Variants in UNC13B observed in about 807,000 individuals in gnomAD.
UNC13B encodes the protein unc-13 homolog B, also known as protein unc-13 homolog B.
In UNC13B, 144 loss-of-function variants were observed where a neutral mutation model predicts 211.0. That is an observed-to-expected ratio of 0.68 (90% CI 0.60 to 0.78). The LOEUF (loss-of-function observed/expected upper bound fraction) is 0.78. Among genes scored for constraint, UNC13B ranks in the 30% least tolerant of loss-of-function variants. The pLI, the probability that UNC13B is intolerant of heterozygous loss-of-function variation, is 0.00. For missense variants in UNC13B, 1,777 were observed against 2,002.0 expected (o/e 0.89, Z 2.14); for synonymous variants, 709 against 725.8 (o/e 0.98, Z 0.37).
chr9:35,189,731 G>C (rs1408883683), intron 1 of UNC13B, among the ~76,000 whole-genome samples: 2 of 152,148 alleles, frequency 1.3e-5, no homozygotes, highest in African/African-American at 2.4e-5. Flanking sequence ...GTGCAAAGGC[G>C]TGATCCCGGC....
At chr9:35,228,564 G>A (rs1171301269) in intron 2 of UNC13B, among the ~76,000 whole-genome samples, 1 of 151,510 alleles carries the variant, frequency 6.6e-6, no homozygotes, top group Non-Finnish European at 1.5e-5. Context: ...TGCAGTTCAT[G>A]AACCTGTTTC....
chr9:35,293,330 C>T (rs1313307355), intron 7 of UNC13B, among the ~76,000 whole-genome samples: 2 of 152,192 alleles, frequency 1.3e-5, no homozygotes, highest in Non-Finnish European at 2.9e-5. Flanking sequence ...AGGTCACATG[C>T]AGGGAGAAAG....
At position 35,376,155 on chromosome 9, in the gene UNC13B, G is replaced by C. The variant is rs371711878; in HGVS notation, c.9743G>C (p.Trp3248Ser). ...TYCYECEGLLWGIARQGMRCS... is the reference protein window; with the variant it reads ...TYCYECEGLLSGIARQGMRCS... ...TGCTATGAGTGTGAAGGCCTGCTCTGGGGCATTGCCCGGCAGGGCATGCGC... is the reference window on the plus strand; with the variant it reads ...TGCTATGAGTGTGAAGGCCTGCTCTCGGGCATTGCCCGGCAGGGCATGCGC... The change falls in exon 15 of 40, where the codon TGG becomes TCG. Residue 3248 changes from tryptophan to serine, a missense_variant. Transcript: ENST00000635942. The C allele has an allele frequency of 6.2e-6, 10 of 1,614,136 alleles. No individual in the cohort carries two copies. Among genetic ancestry groups the C allele is most frequent in the Non-Finnish European group, 8.5e-6 (10 of 1,180,054 alleles).
intron 5 of UNC13B, among the ~76,000 whole-genome samples, chr9:35,238,771 TG>T (rs751168653): frequency 9.9e-4 from 150 of 152,272 alleles, no homozygotes; most frequent in Non-Finnish European, 1.8e-3. Context: ...TTGGTCAGGC[TG>T]GTCTTGAACT....
At chr9:35,393,828 C>T (rs1027810071) in intron 26 of UNC13B, among the ~76,000 whole-genome samples, 2 of 152,098 alleles carry the variant, frequency 1.3e-5, no homozygotes, top group Non-Finnish European at 2.9e-5. Flanking sequence ...CCCTCAGCCT[C>T]CCAAAGTGCT....
chr9:35,172,000 A>G (rs1276851099), intron 1 of UNC13B, among the ~76,000 whole-genome samples: 2 of 152,006 alleles, frequency 1.3e-5, no homozygotes, highest in Non-Finnish European at 2.9e-5. Context: ...GCTCTTCAAA[A>G]ATAAGCCCTA....
rs552653367 is a variant in UNC13B at position 35,185,297 on chromosome 9, G to A, written c.22+22992G>A. Among the ~76,000 whole-genome samples the A allele has an allele frequency of 8.5e-5, 13 of 152,288 alleles. No homozygotes were observed. The South Asian group carries it at 2.5e-3, about 29-fold the overall frequency. On this transcript the variant is annotated intron_variant, in intron 1 of 39. Coordinates refer to ENST00000635942, the MANE Select transcript of UNC13B (RefSeq NM_001371189.2). ...TGGCTAAGATGCTATGTCAAGTTAA[G>A]ATCTGGTGTGGCCACATTGTTGCCT...
intron 6 of UNC13B, among the ~76,000 whole-genome samples, chr9:35,251,593 A>G (rs1196954033): frequency 1.3e-5 from 2 of 152,140 alleles, no homozygotes; most frequent in Non-Finnish European, 2.9e-5. Context: ...TATCAAAAAC[A>G]AAAAACAATC....
intron 11 of UNC13B, among the ~76,000 whole-genome samples, chr9:35,318,922 G>A (rs571673984): frequency 1.3e-5 from 2 of 152,214 alleles, no homozygotes; most frequent in East Asian, 1.9e-4. Flanking sequence ...CTGCAATCCA[G>A]GCTGATGGAG....
chr9:35,221,313 A>G (rs980948185), intron 1 of UNC13B, among the ~76,000 whole-genome samples: 7 of 152,106 alleles, frequency 4.6e-5, no homozygotes, highest in African/African-American at 1.4e-4. Flanking sequence ...CAAGCAATCC[A>G]CCTTCCTTGG....
At chr9:35,208,336 T>C (rs561910965) in intron 1 of UNC13B, among the ~76,000 whole-genome samples, 32 of 152,348 alleles carry the variant, frequency 2.1e-4, no homozygotes, top group African/African-American at 7.2e-4. Context: ...TTGGAATTCA[T>C]ATAATAAAAT....
rs1310801892 is a variant in UNC13B, at chr9:35,385,831, G to A, written c.10965+18G>A. The stretch of plus-strand genomic sequence containing the variant: ...GAATGAAGGTAAGAAATGGACTGGG[G>A]CTTGGGTGGTGCTGGGCTGGAGACC... On this transcript the variant is annotated intron_variant, in intron 23 of 39. Transcript: ENST00000635942. 1.2e-6 allele frequency: 2 copies of A among 1,601,968 alleles called. No individual in the cohort carries two copies. Among genetic ancestry groups the A allele is most frequent in the African/African-American group, 1.3e-5 (1 of 74,604 alleles).
intron 1 of UNC13B, among the ~76,000 whole-genome samples, chr9:35,185,130 T>C (rs941243819): frequency 1.8e-4 from 27 of 152,210 alleles, no homozygotes; most frequent in Non-Finnish European, 3.7e-4. Flanking sequence ...GGTACTTTTG[T>C]TATAGCAAGA....
At chr9:35,403,702 C>CT (rs751809057) in intron 39 of UNC13B, 46 bp from the exon 40 acceptor site, 1 of 1,608,316 alleles carries the variant, frequency 6.2e-7, no homozygotes, top group Non-Finnish European at 8.5e-7. Context: ...GTGAAATCAG[C>CT]TGAAGACTCA....
At position 35,400,401 on chromosome 9, in the gene UNC13B, G is replaced by A. The variant is rs1836219553; in HGVS notation, c.12442G>A (p.Asp4148Asn). ...CCTGTCTCTGTACACACAGACTACT[G>A]ACACTCTCATCAAGACCTTTGTGCG... The part of the protein sequence containing the change: ...YALSLYTQTT[D>N]TLIKTFVRSQ... Residue 4148 changes from aspartate (D) to asparagine (N), a missense_variant, in exon 37 of 40, where the codon GAC becomes AAC. Transcript: ENST00000635942. 6.2e-7 allele frequency: 1 copy of A among 1,613,824 alleles called. No individual in the cohort carries two copies. Among genetic ancestry groups the A allele is most frequent in the African/African-American group, 1.3e-5 (1 of 74,896 alleles).
intron 12 of UNC13B, among the ~76,000 whole-genome samples, chr9:35,368,126 C>T (rs12235806): frequency 0.081 from 12,276 of 152,146 alleles, 653 homozygotes; most frequent in East Asian, 0.3. Context: ...TAGTTAAACT[C>T]GTGTCACAGG....
intron 3 of UNC13B, among the ~76,000 whole-genome samples, chr9:35,232,176 G>GTTTTTTT (rs1564081816): frequency 3.5e-4 from 6 of 16,996 alleles, no homozygotes; most frequent in African/African-American, 6.7e-4. Flanking sequence ...GTATATTGCT[G>GTTTTTTT]CTTTTTTTTT....
chr9:35,222,870 A>G (rs937876559), intron 1 of UNC13B, among the ~76,000 whole-genome samples: 26 of 152,154 alleles, frequency 1.7e-4, no homozygotes, highest in African/African-American at 6.3e-4. Context: ...CCTTCCCAGC[A>G]TCTGGTAGCC....
intron 11 of UNC13B, among the ~76,000 whole-genome samples, chr9:35,321,070 C>A (rs1290511617): frequency 6.6e-6 from 1 of 151,770 alleles, no homozygotes; most frequent in Non-Finnish European, 1.5e-5. Flanking sequence ...GAATTTAGAT[C>A]ATAATATGTG....
Sources: allele counts gnomAD v4.1 joint callset (sites outside exome capture counted in the v4.1 genomes callset), GRCh38; gene constraint gnomAD v4.1.1; transcripts MANE v1.5; gene names NCBI Gene and HGNC (gene_info 2026-07-23, HGNC 2026-07-21).